Variants in ECT2L observed in about 807,000 individuals in gnomAD.
ECT2L encodes epithelial cell-transforming sequence 2 oncogene-like.
ECT2L carries 126 observed loss-of-function variants against 122.8 expected under a neutral mutation model. The ratio of observed to expected loss-of-function variants is 1.03; its 90% CI spans 0.89 to 1.19. The LOEUF (loss-of-function observed/expected upper bound fraction) is 1.19, where lower values mean the gene tolerates loss of function less well. Among genes scored for constraint, ECT2L ranks in the 50% most tolerant of loss-of-function variants. ECT2L has a pLI of 0.00. For synonymous variants in ECT2L, 385 were observed against 381.8 expected (o/e 1.01, Z -0.10); for missense variants, 1,012 against 1,064.1 (o/e 0.95, Z 0.68).
chr6:138,871,069 T>C (rs1207583148), intron 13 of ECT2L, among the ~76,000 whole-genome samples: 1 of 152,030 alleles, frequency 6.6e-6, no homozygotes. Flanking sequence ...TAAAACTAGT[T>C]CATCAGGCCA....
chr6:138,894,901 C>T (rs551669979), intron 20 of ECT2L, among the ~76,000 whole-genome samples: 8 of 152,222 alleles, frequency 5.3e-5, no homozygotes, highest in South Asian at 4.1e-4. Flanking sequence ...TTTAGGTCAA[C>T]GACACTGTCT....
chr6:138,823,286 C>T (rs1776328289), intron 4 of ECT2L: 28 of 1,578,078 alleles, frequency 1.8e-5, no homozygotes, highest in Non-Finnish European at 2.4e-5. Context: ...CAGTAAATGA[C>T]AATGCTAGGT....
At chr6:138,810,953 A>G (rs578170927) in intron 1 of ECT2L, among the ~76,000 whole-genome samples, 1 of 152,282 alleles carries the variant, frequency 6.6e-6, no homozygotes, top group African/African-American at 2.4e-5. Flanking sequence ...TGTTCTGCAT[A>G]TGGGAAAGGA....
intron 13 of ECT2L, among the ~76,000 whole-genome samples, chr6:138,875,375 A>G (rs909661124): frequency 1.4e-4 from 22 of 152,232 alleles, no homozygotes; most frequent in African/African-American, 5.1e-4. Flanking sequence ...AGAGTAAGGT[A>G]AAAGGAGCCT....
rs1779380283 is a variant in ECT2L, at chr6:138,901,062, G to A, written c.2529G>A (p.Gln843=). 2.5e-6 allele frequency: 4 copies of A among 1,614,116 alleles called. No individual in the cohort carries two copies. The highest frequency in any genetic ancestry group is 3.4e-6 in the Non-Finnish European group (4 of 1,180,014). Residue 843 remains glutamine (Q), a synonymous_variant, in exon 21 of 22, where the codon CAG becomes CAA. Transcript: ENST00000541398. Reference sequence around the variant, plus strand: ...AGAGGACTTCAAAAACAACCTACCAGTTCATTGCATCAGTGGCCCTTCATC... The same window carrying A: ...AGAGGACTTCAAAAACAACCTACCAATTCATTGCATCAGTGGCCCTTCATC... ...PFERTSKTTY[Q]FIASVALHRL...
chr6:138,888,959 A>T lies in ECT2L; in HGVS notation c.2342A>T (p.Asn781Ile), dbSNP rs1430031777. ...IWGCPTLSEV[N>I]RYLIRVQDVA... ...ATTTTACAGACTCTATCAGAAGTAA[A>T]CAGATATCTGATTAGGGTACAAGAT... The change falls in exon 20 of 22, where the codon AAC (asparagine) becomes ATC (isoleucine). Residue 781 changes from asparagine to isoleucine, a missense_variant. By Grantham distance (149) the Asn-to-Ile change is moderately radical. Transcript: ENST00000541398. The T allele has an allele frequency of 3.4e-6, 5 of 1,492,042 alleles. No individual in the cohort carries two copies. The Admixed American group carries it at 1.0e-4, about 31-fold the overall frequency. The allele number at this position is 1,492,042 out of a possible 1,614,324, so 92.4% of individuals were successfully genotyped here. A position where few individuals can be genotyped will look rare whatever the true frequency, so the allele number is the denominator to read the frequency against.
intron 10 of ECT2L, among the ~76,000 whole-genome samples, chr6:138,856,792 C>T (rs187536385): frequency 6.6e-6 from 1 of 152,280 alleles, no homozygotes; most frequent in Non-Finnish European, 1.5e-5. Context: ...TCTAACTTTA[C>T]TTTGGTGACA....
At chr6:138,864,509 T>C (rs1422785280) in intron 11 of ECT2L, among the ~76,000 whole-genome samples, 1 of 152,110 alleles carries the variant, frequency 6.6e-6, no homozygotes, top group African/African-American at 2.4e-5. Flanking sequence ...GTAGACAGAT[T>C]TGTAGAGCGA....
intron 20 of ECT2L, among the ~76,000 whole-genome samples, chr6:138,892,059 T>C (rs762392560): frequency 1.3e-5 from 2 of 152,180 alleles, no homozygotes; most frequent in South Asian, 2.1e-4. Context: ...GGTATTCCCA[T>C]TATGCATATG....
At chr6:138,851,084 A>G (rs1182846398) in intron 9 of ECT2L, among the ~76,000 whole-genome samples, 1 of 151,644 alleles carries the variant, frequency 6.6e-6, no homozygotes, top group Admixed American at 6.6e-5. Context: ...TAGCAGTTGC[A>G]TCATTTCATA....
intron 11 of ECT2L, 63 bp from the exon 12 acceptor site, chr6:138,864,933 A>G: frequency 6.8e-7 from 1 of 1,476,910 alleles, no homozygotes; most frequent in Non-Finnish European, 9.2e-7. Flanking sequence ...TACTTTAAAC[A>G]AGATGTAGAA....
At chr6:138,880,906 AG>A (rs111473796) in intron 14 of ECT2L, 50 bp from the exon 15 acceptor site, 1 of 1,534,794 alleles carries the variant, frequency 6.5e-7, no homozygotes, top group African/African-American at 1.4e-5. Flanking sequence ...CTGACTGCTC[AG>A]CACTTCTACT....
intron 14 of ECT2L, 145 bp downstream of exon 14, chr6:138,876,703 A>C: frequency 3.4e-6 from 2 of 594,460 alleles, no homozygotes; most frequent in South Asian, 4.6e-5. Context: ...TATTAGAGAG[A>C]ATTCAGCTGG....
intron 7 of ECT2L, among the ~76,000 whole-genome samples, chr6:138,844,973 A>G (rs1777171889): frequency 6.6e-6 from 1 of 152,066 alleles, no homozygotes; most frequent in South Asian, 2.1e-4. Flanking sequence ...TGGATGTAGT[A>G]TATTTTCTGT....
intron 4 of ECT2L, among the ~76,000 whole-genome samples, chr6:138,815,343 G>T (rs932539116): frequency 6.6e-6 from 1 of 152,182 alleles, no homozygotes; most frequent in Non-Finnish European, 1.5e-5. Flanking sequence ...TGTTAGAAAC[G>T]GATTCTCTTT....
At chr6:138,885,881 G>C (rs1226746424) in intron 18 of ECT2L, 51 bp downstream of exon 18, 1 of 1,551,534 alleles carries the variant, frequency 6.4e-7, no homozygotes, top group African/African-American at 1.4e-5. Context: ...CAATGCCTTT[G>C]TGGTACTCCC....
rs545421258 is a variant in ECT2L, at chr6:138,831,898, A to G, written c.180-6454A>G. Reference sequence around the variant, plus strand: ...AGATATTCAAATTACACCAAAAACTATAAATCTTCCCCCCAGGAAAGACAT... The same window carrying G: ...AGATATTCAAATTACACCAAAAACTGTAAATCTTCCCCCCAGGAAAGACAT... On this transcript the variant is annotated intron_variant, in intron 4 of 21. Transcript: ENST00000541398. Among the ~76,000 whole-genome samples, 5 of 152,272 alleles carry G rather than the reference A, an allele frequency of 3.3e-5. No individual in the cohort carries two copies. The South Asian group carries it at 1.0e-3, about 32-fold the overall frequency.
intron 12 of ECT2L, among the ~76,000 whole-genome samples, chr6:138,866,455 T>G (rs535994365): frequency 6.6e-6 from 1 of 152,326 alleles, no homozygotes; most frequent in African/African-American, 2.4e-5. Context: ...TTCACCATGT[T>G]GGCCAGGCTG....
intron 5 of ECT2L, among the ~76,000 whole-genome samples, chr6:138,840,482 T>G (rs2128387999): frequency 6.6e-6 from 1 of 152,330 alleles, no homozygotes; most frequent in East Asian, 1.9e-4. Flanking sequence ...CTAGCACAAG[T>G]GTGCTGCTAA....
Sources: allele counts gnomAD v4.1 joint callset (sites outside exome capture counted in the v4.1 genomes callset), GRCh38; gene constraint gnomAD v4.1.1; transcripts MANE v1.5; gene names NCBI Gene and HGNC (gene_info 2026-07-23, HGNC 2026-07-21).